Variants in SIPA1L3 observed in about 807,000 individuals in gnomAD.
SIPA1L3 encodes the protein signal induced proliferation associated 1 like 3.
A neutral mutation model predicts 150.1 loss-of-function variants in SIPA1L3; 59 were observed. The ratio of observed to expected loss-of-function variants is 0.39; its 90% CI spans 0.32 to 0.49. The LOEUF (loss-of-function observed/expected upper bound fraction) is 0.49, where lower values mean the gene tolerates loss of function less well. Among genes scored for constraint, SIPA1L3 ranks in the 20% least tolerant of loss-of-function variants. The pLI is 0.86. For synonymous variants in SIPA1L3, 1,070 were observed against 1,077.6 expected (o/e 0.99, Z 0.14); for missense variants, 2,211 against 2,489.5 (o/e 0.89, Z 2.38).
intron 1 of SIPA1L3, among the ~76,000 whole-genome samples, chr19:37,964,949 G>A (rs183511068): frequency 2.4e-4 from 37 of 152,264 alleles, no homozygotes; most frequent in African/African-American, 7.9e-4. Flanking sequence ...ATGCAGCTGA[G>A]GTTGAGAACC....
intron 10 of SIPA1L3, 57 bp downstream of exon 10, chr19:38,130,829 T>TGAGGCCTCCCTGGCAC: frequency 2.6e-6 from 4 of 1,548,554 alleles, no homozygotes; most frequent in Non-Finnish European, 3.5e-6. Context: ...ATCGCTGGCA[T>TGAGGCCTCCCTGGCAC]GAGGCCTCCC....
intron 1 of SIPA1L3, among the ~76,000 whole-genome samples, chr19:37,965,068 C>T (rs1405261445): frequency 6.6e-6 from 1 of 152,170 alleles, no homozygotes; most frequent in Non-Finnish European, 1.5e-5. Flanking sequence ...TTGGGGAATT[C>T]AAGAAAATTT....
intron 1 of SIPA1L3, among the ~76,000 whole-genome samples, chr19:38,017,728 G>A (rs1968271091): frequency 1.3e-5 from 2 of 151,794 alleles, no homozygotes; most frequent in Non-Finnish European, 2.9e-5. Flanking sequence ...ACAGGGTCTT[G>A]CAGTGTTGCC....
chr19:38,179,865 T>G (rs1437733628), intron 15 of SIPA1L3, among the ~76,000 whole-genome samples: 1 of 152,044 alleles, frequency 6.6e-6, no homozygotes, highest in Non-Finnish European at 1.5e-5. Flanking sequence ...TTTTTTTAGA[T>G]GGAGTCTCAC....
At chr19:38,125,116 A>G (rs929436663) in intron 9 of SIPA1L3, among the ~76,000 whole-genome samples, 3 of 148,336 alleles carry the variant, frequency 2.0e-5, no homozygotes, top group African/African-American at 5.0e-5. Context: ...GCTCACTGCA[A>G]CCTCCACCTC....
At chr19:38,128,950 G>A (rs59571293) in intron 9 of SIPA1L3, among the ~76,000 whole-genome samples, 3 of 152,030 alleles carry the variant, frequency 2.0e-5, no homozygotes, top group South Asian at 2.1e-4. Flanking sequence ...GTATGAAAGC[G>A]GGCATCCTGA....
At chr19:38,093,824 C>A (rs1426565614) in intron 4 of SIPA1L3, among the ~76,000 whole-genome samples, 4 of 152,218 alleles carry the variant, frequency 2.6e-5, no homozygotes, top group Non-Finnish European at 4.4e-5. Flanking sequence ...AAGGCAGGAA[C>A]AGACTTGGAG....
intron 15 of SIPA1L3, among the ~76,000 whole-genome samples, chr19:38,169,295 G>A (rs1015231715): frequency 9.2e-5 from 14 of 152,006 alleles, no homozygotes; most frequent in African/African-American, 3.4e-4. Context: ...AGGCTGAGGC[G>A]GGAGAATCGC....
chr19:38,055,672 C>T (rs1299167792), intron 2 of SIPA1L3, among the ~76,000 whole-genome samples: 2 of 152,208 alleles, frequency 1.3e-5, no homozygotes, highest in African/African-American at 4.8e-5. Flanking sequence ...AGCAGTGGAG[C>T]CTGAGGTGCC....
At chr19:38,142,839 T>A (rs535996895) in intron 12 of SIPA1L3, 129 bp downstream of exon 12, 5 of 1,189,492 alleles carry the variant, frequency 4.2e-6, no homozygotes, top group Non-Finnish European at 4.7e-6. Context: ...CTGAAGGTCC[T>A]CAGAGGAGCC....
intron 1 of SIPA1L3, among the ~76,000 whole-genome samples, chr19:38,025,218 C>A (rs79680536): frequency 6.6e-6 from 1 of 152,196 alleles, no homozygotes. Flanking sequence ...CAGGCCAGGA[C>A]GCCTTTCCCC....
rs181133245 is a variant in SIPA1L3, at chr19:38,108,858, G to A, written c.2134-1369G>A. Among the ~76,000 whole-genome samples the A allele has an allele frequency of 4.7e-3, 713 of 152,148 alleles. 2 individuals carry two copies. The highest frequency in any genetic ancestry group is 8.4e-3 in the Non-Finnish European group (573 of 67,998). On this transcript the variant is annotated intron_variant, in intron 7 of 21. Transcript: ENST00000222345. ...TACAAAATTAACTGGGCGTGGTGGC[G>A]CATGCCTGTAATCCCAGCTACTCAG... is the stretch of plus-strand genomic sequence containing the variant.
rs549842494 is a variant in SIPA1L3 at position 38,148,124 on chromosome 19, G to A, written c.3534-4716G>A. The stretch of plus-strand genomic sequence containing the variant: ...TCCCAGCACTTTGGGAGGCTGAGGC[G>A]GGTGGATCATGAGGTCAGGAGTTCG... On this transcript the variant is annotated intron_variant, in intron 12 of 21. Coordinates refer to ENST00000222345, the MANE Select transcript of SIPA1L3 (RefSeq NM_015073.3). 7.9e-5 allele frequency among the ~76,000 whole-genome samples: 12 copies of A among 151,962 alleles called. No homozygotes were observed. In the South Asian group the frequency reaches 1.3e-3, roughly 16 times the overall value.
chr19:38,202,134 C>G (rs1973101327), intron 20 of SIPA1L3, 137 bp downstream of exon 20: 5 of 773,552 alleles, frequency 6.5e-6, no homozygotes, highest in Admixed American at 6.3e-5. Flanking sequence ...AGCTACTCCC[C>G]CCTCCTAACA....
intron 1 of SIPA1L3, among the ~76,000 whole-genome samples, chr19:38,016,538 G>C (rs1234754987): frequency 6.6e-6 from 1 of 152,078 alleles, no homozygotes; most frequent in African/African-American, 2.4e-5. Flanking sequence ...TGTCGCTGAG[G>C]CTAGAGTTCA....
At position 37,918,644 on chromosome 19, in the gene SIPA1L3, C is replaced by T. The variant is rs546989994; in HGVS notation, c.-379+11286C>T. 1.1e-4 allele frequency among the ~76,000 whole-genome samples: 17 copies of T among 151,724 alleles called. No homozygotes were observed. The South Asian group carries it at 2.9e-3, about 26-fold the overall frequency. On this transcript the variant is annotated intron_variant, in intron 1 of 21. Transcript: ENST00000222345. ...CAGCACTTTGGGAGGATGAGGAGGG[C>T]GGATCACCTGAGGTCAGGAGTTCAA...
chr19:38,130,526 A>G lies in SIPA1L3; in HGVS notation c.2897A>G (p.Asp966Gly). 6.2e-7 allele frequency: 1 copy of G among 1,612,832 alleles called. No individual in the cohort carries two copies. Among genetic ancestry groups the G allele is most frequent in the Non-Finnish European group, 8.5e-7 (1 of 1,179,872 alleles). Residue 966 changes from aspartate to glycine, a missense_variant, in exon 10 of 22, where the codon GAC becomes GGC. Coordinates refer to ENST00000222345, the MANE Select transcript of SIPA1L3 (RefSeq NM_015073.3). ...ATGACCAGTGGCTGGGAGACGGTGGACATGACGCTTCGGCGGAACGGGCTC... is the reference window on the plus strand; with the variant it reads ...ATGACCAGTGGCTGGGAGACGGTGGGCATGACGCTTCGGCGGAACGGGCTC... ...KVMTSGWETV[D>G]MTLRRNGLGQ...
At chr19:37,973,556 C>CGGGGG (rs1290013117) in intron 1 of SIPA1L3, among the ~76,000 whole-genome samples, 11 of 40,910 alleles carry the variant, frequency 2.7e-4, no homozygotes, top group African/African-American at 1.2e-3. Flanking sequence ...AAAAAAAAAG[C>CGGGGG]GGGAGGGGGG....
intron 2 of SIPA1L3, among the ~76,000 whole-genome samples, chr19:38,079,058 C>G (rs1969918551): frequency 6.6e-6 from 1 of 152,192 alleles, no homozygotes; most frequent in African/African-American, 2.4e-5. Context: ...CCTGGACGTT[C>G]TAGATGGCTC....
Sources: gnomAD v4.1 joint callset for allele counts (sites outside exome capture counted in the v4.1 genomes callset) on GRCh38, gnomAD v4.1.1 for gene constraint, MANE v1.5 for transcripts, NCBI Gene and HGNC (gene_info 2026-07-23, HGNC 2026-07-21) for gene names.